The following KCTD8 variants were observed in gnomAD, a reference collection of about 807,000 sequenced individuals.
The protein encoded by KCTD8 is potassium channel tetramerization domain containing 8, also known as BTB/POZ domain-containing protein KCTD8.
A neutral mutation model predicts 31.5 loss-of-function variants in KCTD8; 27 were observed. That is an observed-to-expected ratio of 0.86 (90% CI 0.63 to 1.18). The LOEUF (loss-of-function observed/expected upper bound fraction) is 1.18. Ranked by LOEUF, KCTD8 falls within the 50% of genes most tolerant of loss-of-function variation. The probability of loss-of-function intolerance (pLI) is 0.00; values close to 1 mark genes in which losing one functional copy is unlikely to be tolerated. For missense variants in KCTD8, 658 were observed against 647.7 expected (o/e 1.02, Z -0.17); for synonymous variants, 290 against 280.0 (o/e 1.04, Z -0.36).
chr4:44,428,055 T>C (rs1036165906), intron 1 of KCTD8, among the ~76,000 whole-genome samples: 19 of 151,638 alleles, frequency 1.3e-4, no homozygotes, highest in African/African-American at 4.4e-4. Flanking sequence ...TGGGTAATAA[T>C]GAAATCACAA....
intron 1 of KCTD8, among the ~76,000 whole-genome samples, chr4:44,401,562 A>G (rs1276929330): frequency 2.6e-5 from 4 of 152,194 alleles, no homozygotes; most frequent in Admixed American, 1.3e-4. Flanking sequence ...ATCATACAAC[A>G]TGGCCCCAGA....
At chr4:44,396,095 A>G (rs1416228351) in intron 1 of KCTD8, among the ~76,000 whole-genome samples, 1 of 152,068 alleles carries the variant, frequency 6.6e-6, no homozygotes, top group Non-Finnish European at 1.5e-5. Flanking sequence ...AGATGGTCCC[A>G]TCTGGGGGTG....
intron 1 of KCTD8, among the ~76,000 whole-genome samples, chr4:44,276,951 A>C (rs1302729656): frequency 6.6e-6 from 1 of 151,970 alleles, no homozygotes; most frequent in Non-Finnish European, 1.5e-5. Context: ...CTTTGGTCCA[A>C]ATCCCAGCCT....
chr4:44,305,128 A>C (rs1717762622), intron 1 of KCTD8, among the ~76,000 whole-genome samples: 1 of 152,200 alleles, frequency 6.6e-6, no homozygotes, highest in South Asian at 2.1e-4. Flanking sequence ...TAAAATAACT[A>C]GAATGAAAAA....
At chr4:44,224,127 T>C (rs1714882372) in intron 1 of KCTD8, among the ~76,000 whole-genome samples, 1 of 152,176 alleles carries the variant, frequency 6.6e-6, no homozygotes, top group South Asian at 2.1e-4. Context: ...CTTAAATAAA[T>C]ATTAAAAATC....
chr4:44,441,658 A>G (rs1203175642), intron 1 of KCTD8, among the ~76,000 whole-genome samples: 1 of 152,186 alleles, frequency 6.6e-6, no homozygotes, highest in Non-Finnish European at 1.5e-5. Flanking sequence ...AGCCCTATAC[A>G]AGCTCTATGA....
At chr4:44,218,746 T>G (rs1714723500) in intron 1 of KCTD8, among the ~76,000 whole-genome samples, 1 of 152,030 alleles carries the variant, frequency 6.6e-6, no homozygotes, top group Non-Finnish European at 1.5e-5. Flanking sequence ...ACTCTTACTA[T>G]TCCTGGGTCA....
intron 1 of KCTD8, among the ~76,000 whole-genome samples, chr4:44,359,088 A>G (rs1577635277): frequency 6.6e-6 from 1 of 152,154 alleles, no homozygotes; most frequent in Non-Finnish European, 1.5e-5. Context: ...ATAGATGGCA[A>G]AAAATTTATC....
At chr4:44,366,153 G>A (rs1389890224) in intron 1 of KCTD8, among the ~76,000 whole-genome samples, 2 of 151,792 alleles carry the variant, frequency 1.3e-5, no homozygotes, top group East Asian at 3.9e-4. Flanking sequence ...AAGAATGTAC[G>A]ACTAGAAAAA....
At chr4:44,345,695 A>T (rs1719018402) in intron 1 of KCTD8, among the ~76,000 whole-genome samples, 1 of 151,624 alleles carries the variant, frequency 6.6e-6, no homozygotes. Flanking sequence ...ATATAAATAT[A>T]CTCTCCTCTA....
At chr4:44,196,018 C>T (rs2109337034) in intron 1 of KCTD8, among the ~76,000 whole-genome samples, 1 of 152,202 alleles carries the variant, frequency 6.6e-6, no homozygotes, top group Non-Finnish European at 1.5e-5. Flanking sequence ...ATAAGATAAG[C>T]ATGTTACATT....
At chr4:44,271,872 C>T (rs1419829092) in intron 1 of KCTD8, among the ~76,000 whole-genome samples, 1 of 152,012 alleles carries the variant, frequency 6.6e-6, no homozygotes, top group Non-Finnish European at 1.5e-5. Context: ...GCTCTGAAGG[C>T]TGTGAGTCCC....
chr4:44,203,638 T>C (rs904964537), intron 1 of KCTD8, among the ~76,000 whole-genome samples: 4 of 147,450 alleles, frequency 2.7e-5, no homozygotes, highest in African/African-American at 7.5e-5. Context: ...AAATAAGAAA[T>C]AATAAAATAC....
intron 1 of KCTD8, among the ~76,000 whole-genome samples, chr4:44,178,266 T>A (rs1467512919): frequency 6.6e-6 from 1 of 152,088 alleles, no homozygotes; most frequent in African/African-American, 2.4e-5. Flanking sequence ...TATCAAGGTA[T>A]ATCAGTGGTA....
chr4:44,181,299 G>C (rs1000865857), intron 1 of KCTD8, among the ~76,000 whole-genome samples: 3 of 151,670 alleles, frequency 2.0e-5, no homozygotes, highest in Non-Finnish European at 4.4e-5. Flanking sequence ...ATGCCGAGCC[G>C]AGGCTGGACT....
At chr4:44,223,972 G>T (rs2109349275) in intron 1 of KCTD8, among the ~76,000 whole-genome samples, 1 of 152,290 alleles carries the variant, frequency 6.6e-6, no homozygotes, top group East Asian at 1.9e-4. Flanking sequence ...AAAGTTTGCA[G>T]ATACCTAATT....
At chr4:44,391,565 C>T (rs2109450352) in intron 1 of KCTD8, among the ~76,000 whole-genome samples, 1 of 151,420 alleles carries the variant, frequency 6.6e-6, no homozygotes, top group African/African-American at 2.4e-5. Context: ...CTTCTCTAGG[C>T]TAATTTATTA....
intron 1 of KCTD8, among the ~76,000 whole-genome samples, chr4:44,201,632 C>T (rs191167936): frequency 6.6e-6 from 1 of 152,018 alleles, no homozygotes; most frequent in African/African-American, 2.4e-5. Flanking sequence ...TACCTTTCCC[C>T]ATATATGAAA....
intron 1 of KCTD8, among the ~76,000 whole-genome samples, chr4:44,176,097 C>T (rs1423725239): frequency 6.6e-6 from 1 of 152,172 alleles, no homozygotes; most frequent in Non-Finnish European, 1.5e-5. Context: ...TAAACACTAC[C>T]ACATACCCAG....
Sources: allele counts gnomAD v4.1 joint callset (sites outside exome capture counted in the v4.1 genomes callset), GRCh38; gene constraint gnomAD v4.1.1; transcripts MANE v1.5; gene names NCBI Gene and HGNC (gene_info 2026-07-23, HGNC 2026-07-21).